The following CUX1 variants were observed in gnomAD, a reference collection of about 807,000 sequenced individuals.
The protein encoded by CUX1 is protein CASP.
In CUX1, 31 loss-of-function variants were observed where a neutral mutation model predicts 158.8. The observed-to-expected ratio is 0.20, with a 90% CI of 0.15 to 0.26. The LOEUF is 0.26. Among genes scored for constraint, CUX1 ranks in the 10% least tolerant of loss-of-function variants. CUX1 has a pLI of 1.00. For synonymous variants in CUX1, 879 were observed against 862.1 expected, an observed-to-expected ratio of 1.02 and a Z score of -0.34; for missense variants, 1,589 against 2,014.6, an observed-to-expected ratio of 0.79 and a Z score of 4.04.
intron 8 of CUX1, among the ~76,000 whole-genome samples, chr7:102,134,165 A>G (rs1437979046): frequency 6.6e-6 from 1 of 152,084 alleles, no homozygotes; most frequent in Admixed American, 6.6e-5. Flanking sequence ...GTGAAACCTC[A>G]TATCTCCTAA....
chr7:101,997,328 T>G (rs1033111273), intron 2 of CUX1, among the ~76,000 whole-genome samples: 8 of 152,306 alleles, frequency 5.3e-5, no homozygotes, highest in African/African-American at 1.4e-4. Flanking sequence ...TGGTTTGTTT[T>G]TTTGTTTGTT....
chr7:101,853,607 G>GTA (rs1189270295), intron 1 of CUX1, among the ~76,000 whole-genome samples: 1 of 151,932 alleles, frequency 6.6e-6, no homozygotes, highest in Admixed American at 6.6e-5. Flanking sequence ...GTGTGTGTGT[G>GTA]TGTGTGTGTG....
chr7:102,238,325 G>A (rs553087119), intron 22 of CUX1, among the ~76,000 whole-genome samples: 16 of 152,278 alleles, frequency 1.1e-4, no homozygotes, highest in South Asian at 4.1e-4. Flanking sequence ...AGACGCTGGC[G>A]TTACCTCTAG....
Position 102,192,352 on chromosome 7 carries a change from A to G in CUX1, c.1077-1490A>G, listed in dbSNP as rs138254914. Among the ~76,000 whole-genome samples, 14 of 152,194 alleles carry G rather than the reference A, an allele frequency of 9.2e-5. No homozygotes were observed. The South Asian group carries it at 2.5e-3, about 27-fold the overall frequency. Reference sequence around the variant, plus strand: ...TAATGGACCACTTGGAGTCTTGCCTATTACCTGTAATGGCCTGTAAATTTC... The same window carrying G: ...TAATGGACCACTTGGAGTCTTGCCTGTTACCTGTAATGGCCTGTAAATTTC... On this transcript the variant is annotated intron_variant, in intron 12 of 23. Transcript: ENST00000292535.
exon 23 of CUX1, chr7:102,283,699 A>C (rs1281444387): frequency 6.6e-6 from 1 of 151,388 alleles, no homozygotes; most frequent in East Asian, 2.0e-4. Context: ...CTGCCCCCAG[A>C]CCCATGTGAT....
At chr7:101,991,520 T>A (rs1349779797) in intron 2 of CUX1, among the ~76,000 whole-genome samples, 1 of 152,048 alleles carries the variant, frequency 6.6e-6, no homozygotes, top group Non-Finnish European at 1.5e-5. Flanking sequence ...GCACTTTGGG[T>A]GACCGAGGGG....
Position 102,255,565 on chromosome 7 carries a change from T to G in CUX1, c.*6523T>G. On this transcript the variant is annotated 3_prime_UTR_variant, in exon 24 of 24. Coordinates refer to ENST00000292535, the MANE Select transcript of CUX1 (RefSeq NM_181552.4). ...AAGCATTAGTCTACGTTACTGTAAT[T>G]TCTGTAGTGTTTACGCTTTAATTTC... The G allele has an allele frequency of 2.0e-6, 2 of 985,402 alleles. No homozygotes were observed. The highest frequency in any genetic ancestry group is 2.4e-6 in the Non-Finnish European group (2 of 829,922). The allele number at this position is 985,402 out of a possible 1,614,324, so 61.0% of individuals were successfully genotyped here. A position where few individuals can be genotyped will look rare whatever the true frequency, so the allele number is the denominator to read the frequency against.
At chr7:102,061,647 CT>C (rs1258118300) in intron 3 of CUX1, among the ~76,000 whole-genome samples, 5 of 152,218 alleles carry the variant, frequency 3.3e-5, no homozygotes, top group African/African-American at 9.6e-5. Flanking sequence ...TGCCCAGGCC[CT>C]TGGCTGTGTG....
chr7:102,199,502 A>G (rs1297632), intron 16 of CUX1, among the ~76,000 whole-genome samples: 147,905 of 152,354 alleles, frequency 0.97, 71,820 homozygotes, highest in East Asian at 1. Flanking sequence ...CATCCTCCCC[A>G]CTTAGGAATT....
At chr7:101,877,849 T>A (rs1799318684) in intron 1 of CUX1, among the ~76,000 whole-genome samples, 1 of 152,126 alleles carries the variant, frequency 6.6e-6, no homozygotes, top group Admixed American at 6.6e-5. Context: ...AGGTATATTT[T>A]ATATACTTGG....
chr7:102,075,205 A>G (rs1346519922), intron 4 of CUX1, among the ~76,000 whole-genome samples: 2 of 152,040 alleles, frequency 1.3e-5, no homozygotes, highest in Non-Finnish European at 2.9e-5. Context: ...AACCTCTAGG[A>G]TGTCTCAATT....
chr7:102,256,793 G>A lies in CUX1; in HGVS notation c.*7751G>A. ...TGGTCAGAGAGGGCGCGGTGGCCTG[G>A]CCAAGACTTTACCTCCAAGCGAGAG... On this transcript the variant is annotated 3_prime_UTR_variant, in exon 24 of 24. Coordinates refer to ENST00000292535, the MANE Select transcript of CUX1 (RefSeq NM_181552.4). 1.0e-6 allele frequency: 1 copy of A among 985,450 alleles called. No individual in the cohort carries two copies. Among genetic ancestry groups the A allele is most frequent in the Non-Finnish European group, 1.2e-6 (1 of 829,962 alleles). The allele number at this position is 985,450 out of a possible 1,614,324, so 61.0% of individuals were successfully genotyped here.
intron 1 of CUX1, among the ~76,000 whole-genome samples, chr7:101,825,854 CT>C (rs1320863086): frequency 8.6e-5 from 13 of 151,498 alleles, no homozygotes; most frequent in African/African-American, 3.2e-4. Flanking sequence ...AGAGCCAAGT[CT>C]TTCTAACACA....
At chr7:102,232,698 C>T (rs1297896732) in intron 21 of CUX1, among the ~76,000 whole-genome samples, 1 of 152,186 alleles carries the variant, frequency 6.6e-6, no homozygotes. Flanking sequence ...GAGAAGTGAG[C>T]CTTTCTTTCT....
At chr7:101,996,850 C>G (rs1815971739) in intron 2 of CUX1, among the ~76,000 whole-genome samples, 1 of 152,054 alleles carries the variant, frequency 6.6e-6, no homozygotes, top group Non-Finnish European at 1.5e-5. Flanking sequence ...CATACATACC[C>G]TTCCACCCTG....
intron 3 of CUX1, among the ~76,000 whole-genome samples, chr7:102,063,473 C>T (rs774395282): frequency 2.7e-5 from 4 of 148,030 alleles, no homozygotes; most frequent in South Asian, 4.2e-4. Context: ...ACTGCAAGCG[C>T]GGCCTCCCGA....
rs782192316 is a variant in CUX1, at chr7:102,197,166, C to T, written c.1755C>T (p.Ser585=). The change falls in exon 15 of 24, where the codon TCC becomes TCT. Residue 585 remains serine, a synonymous_variant. Coordinates refer to ENST00000292535, the MANE Select transcript of CUX1 (RefSeq NM_181552.4). ...ATGTGTTGGGACTGTCTCAAGGGTC[C>T]GTGAGCGAGATTCTGGCCCGGCCCA... ...GHYVLGLSQG[S]VSEILARPKP... The T allele has an allele frequency of 1.1e-5, 17 of 1,614,094 alleles. No homozygotes were observed. The highest frequency in any genetic ancestry group is 8.8e-5 in the South Asian group (8 of 91,090).
chr7:101,978,194 C>A (rs1812960930), intron 2 of CUX1, among the ~76,000 whole-genome samples: 1 of 152,110 alleles, frequency 6.6e-6, no homozygotes, highest in South Asian at 2.1e-4. Flanking sequence ...TTTATATTAA[C>A]CCAAATATTC....
chr7:101,980,218 C>T lies in CUX1; in HGVS notation c.142-47880C>T, dbSNP rs181050371. 1.1e-3 allele frequency among the ~76,000 whole-genome samples: 162 copies of T among 152,234 alleles called. 1 individual carries two copies. Among genetic ancestry groups the T allele is most frequent in the South Asian group, 7.7e-3 (37 of 4,820 alleles). ...TACTCAGGATCTTACAGAAGAAGAA[C>T]CTTCAGGCTGGGTGTGGGGGCTCAC... On this transcript the variant is annotated intron_variant, in intron 2 of 23. Coordinates refer to ENST00000292535, the MANE Select transcript of CUX1 (RefSeq NM_181552.4).
Sources: gnomAD v4.1 joint callset for allele counts (sites outside exome capture counted in the v4.1 genomes callset) on GRCh38, gnomAD v4.1.1 for gene constraint, MANE v1.5 for transcripts, NCBI Gene and HGNC (gene_info 2026-07-23, HGNC 2026-07-21) for gene names.